FAM107B: variants seen among roughly 807,000 people sequenced by gnomAD.
The protein encoded by FAM107B is family with sequence similarity 107 member B.
Under a neutral mutation model 31.5 loss-of-function variants are expected in FAM107B, and 21 were observed. The ratio of observed to expected loss-of-function variants is 0.67; its 90% CI spans 0.47 to 0.96. The LOEUF is 0.96. Among genes scored for constraint, FAM107B ranks in the 40% least tolerant of loss-of-function variants. FAM107B has a pLI of 0.00. For synonymous variants in FAM107B, 157 were observed against 141.5 expected (o/e 1.11, Z -0.78); for missense variants, 452 against 377.1 (o/e 1.20, Z -1.64).
intron 2 of FAM107B, among the ~76,000 whole-genome samples, chr10:14,574,930 G>C (rs897283927): frequency 1.1e-4 from 16 of 151,914 alleles, no homozygotes; most frequent in African/African-American, 3.1e-4. Flanking sequence ...ATTACCCTAG[G>C]GTACAGTGTG....
At chr10:14,561,217 G>A (rs549920446) in intron 2 of FAM107B, among the ~76,000 whole-genome samples, 113 of 152,366 alleles carry the variant, frequency 7.4e-4, no homozygotes, top group African/African-American at 2.4e-3. Context: ...CATGGGCCTA[G>A]CAGCAAAGGA....
chr10:14,642,035 C>A (rs1002794508), intron 2 of FAM107B, among the ~76,000 whole-genome samples: 5 of 152,262 alleles, frequency 3.3e-5, no homozygotes, highest in Middle Eastern at 3.4e-3. Flanking sequence ...CGGAACCAGA[C>A]AAATTACGCA....
chr10:14,665,222 G>T (rs1463057874), intron 2 of FAM107B, among the ~76,000 whole-genome samples: 2 of 152,162 alleles, frequency 1.3e-5, no homozygotes, highest in Non-Finnish European at 2.9e-5. Flanking sequence ...CTTTTCTGCA[G>T]ATTTATTTTG....
intron 2 of FAM107B, among the ~76,000 whole-genome samples, chr10:14,565,877 G>A (rs144950805): frequency 4.1e-4 from 62 of 152,232 alleles, no homozygotes; most frequent in African/African-American, 1.1e-3. Flanking sequence ...AGGAGGATGC[G>A]CTCCACAGTG....
intron 1 of FAM107B, among the ~76,000 whole-genome samples, chr10:14,735,192 C>T (rs1283339383): frequency 6.6e-6 from 1 of 152,230 alleles, no homozygotes; most frequent in African/African-American, 2.4e-5. Flanking sequence ...CAAGCATGTC[C>T]AACCCATGGC....
intron 2 of FAM107B, among the ~76,000 whole-genome samples, chr10:14,644,145 G>A (rs1160968136): frequency 6.6e-6 from 1 of 152,160 alleles, no homozygotes; most frequent in Non-Finnish European, 1.5e-5. Context: ...TAAGATAGTA[G>A]AATCGTGGGG....
intron 2 of FAM107B, among the ~76,000 whole-genome samples, chr10:14,613,377 C>G (rs1229032712): frequency 6.6e-6 from 1 of 152,180 alleles, no homozygotes; most frequent in Non-Finnish European, 1.5e-5. Flanking sequence ...CATGACCATT[C>G]TTAGCTTGAT....
intron 1 of FAM107B, among the ~76,000 whole-genome samples, chr10:14,767,056 A>AGG (rs1554758048): frequency 4.7e-5 from 1 of 21,260 alleles, no homozygotes; most frequent in Non-Finnish European, 8.0e-5. Flanking sequence ...ATATATATAT[A>AGG]GAGAGAGAGA....
At position 14,667,683 on chromosome 10, in the gene FAM107B, T is replaced by G. The variant is rs555734951; in HGVS notation, c.420A>C (p.Glu140Asp). Residue 140 changes from glutamate (E) to aspartate (D), a missense_variant, in exon 2 of 5, where the codon GAA (glutamate) becomes GAC (aspartate). Transcript: ENST00000181796. ...PSIIDTPKEE[E>D]FREEPKCLEL... is the part of the protein sequence containing the mutation. The stretch of plus-strand genomic sequence containing the variant: ...CGAGGCATTTAGGTTCTTCTCGAAA[T>G]TCTTCTTCCTAAGCGCCAGCCCCAT... 4 of 1,614,152 alleles carry G rather than the reference T, an allele frequency of 2.5e-6. No homozygotes were observed. Among genetic ancestry groups the G allele is most frequent in the Non-Finnish European group, 3.4e-6 (4 of 1,180,002 alleles).
intron 2 of FAM107B, among the ~76,000 whole-genome samples, chr10:14,601,543 C>A (rs896642209): frequency 1.3e-5 from 2 of 152,200 alleles, no homozygotes; most frequent in African/African-American, 2.4e-5. Flanking sequence ...ATGATGCACA[C>A]AGAGGACATC....
At chr10:14,637,524 G>A (rs1183762467) in intron 2 of FAM107B, among the ~76,000 whole-genome samples, 1 of 152,048 alleles carries the variant, frequency 6.6e-6, no homozygotes, top group East Asian at 1.9e-4. Context: ...GGTGCTTGTA[G>A]TCCCAGCTAC....
chr10:14,679,304 A>AT (rs1353303574), intron 1 of FAM107B, among the ~76,000 whole-genome samples: 1 of 151,888 alleles, frequency 6.6e-6, no homozygotes, highest in Non-Finnish European at 1.5e-5. Flanking sequence ...TAATATTTTT[A>AT]TTTTTTTGTA....
intron 1 of FAM107B, among the ~76,000 whole-genome samples, chr10:14,703,327 C>CT (rs532320563): frequency 0.059 from 8,161 of 138,824 alleles, 420 homozygotes; most frequent in African/African-American, 0.14. Context: ...CCTTCTTCTT[C>CT]TTTTTTTTTT....
intron 1 of FAM107B, among the ~76,000 whole-genome samples, chr10:14,677,254 C>A (rs1189157770): frequency 6.6e-6 from 1 of 152,156 alleles, no homozygotes; most frequent in Admixed American, 6.5e-5. Flanking sequence ...CAGGCCTACT[C>A]GGCTCTCAAA....
intron 2 of FAM107B, among the ~76,000 whole-genome samples, chr10:14,619,109 A>C (rs1852928607): frequency 6.6e-6 from 1 of 152,204 alleles, no homozygotes; most frequent in Non-Finnish European, 1.5e-5. Context: ...AGAGGGATTT[A>C]GAGGGAGCAC....
At chr10:14,690,023 A>AAGGAAAGG (rs1422589399) in intron 1 of FAM107B, among the ~76,000 whole-genome samples, 1 of 68,000 alleles carries the variant, frequency 1.5e-5, no homozygotes, top group Non-Finnish European at 3.2e-5. Context: ...GGAAGGAAGG[A>AAGGAAAGG]AGGGAGGGAG....
chr10:14,713,845 G>T (rs1264861477), intron 1 of FAM107B, among the ~76,000 whole-genome samples: 1 of 152,198 alleles, frequency 6.6e-6, no homozygotes, highest in Non-Finnish European at 1.5e-5. Context: ...ATATTATGCA[G>T]CCATAATAAA....
At chr10:14,682,776 G>T (rs1022958420) in intron 1 of FAM107B, among the ~76,000 whole-genome samples, 5 of 151,964 alleles carry the variant, frequency 3.3e-5, no homozygotes, top group Non-Finnish European at 7.4e-5. Flanking sequence ...AGCATTAGGA[G>T]AAATACCTAA....
intron 2 of FAM107B, among the ~76,000 whole-genome samples, chr10:14,655,380 G>A (rs1854020115): frequency 6.6e-6 from 1 of 152,114 alleles, no homozygotes; most frequent in Non-Finnish European, 1.5e-5. Context: ...TTTTGATAGG[G>A]TTTTCTTTTC....
Sources: gnomAD v4.1 joint callset for allele counts (sites outside exome capture counted in the v4.1 genomes callset) on GRCh38, gnomAD v4.1.1 for gene constraint, MANE v1.5 for transcripts, NCBI Gene and HGNC (gene_info 2026-07-23, HGNC 2026-07-21) for gene names.